Variants in MIGA2 observed in about 807,000 individuals in gnomAD.
MIGA2 encodes mitoguardin 2, also known as family with sequence similarity 73, member B.
In MIGA2, 36 loss-of-function variants were observed where a neutral mutation model predicts 69.9. The ratio of observed to expected loss-of-function variants is 0.52; its 90% CI spans 0.39 to 0.68. The LOEUF is 0.68. MIGA2 is among the 30% of genes least tolerant of loss of function. The pLI is 0.00. For missense variants in MIGA2, 660 were observed against 787.7 expected (o/e 0.84, Z 1.94); for synonymous variants, 333 against 349.2 (o/e 0.95, Z 0.52).
chr9:129,063,304 G>T lies in MIGA2; in HGVS notation c.1071G>T (p.Arg357=). Residue 357 remains arginine, a synonymous_variant, in exon 10 of 16, where the codon CGG becomes CGT. Transcript: ENST00000684074. ...QDFLAKLHCV[R]QAFEGLLEDK... ...TTCTGGCCAAGCTGCACTGTGTGCG[G>T]CAGGCCTTCGAGGTGGGTGTGGCCT... is the stretch of plus-strand genomic sequence containing the variant. The T allele has an allele frequency of 1.2e-6, 2 of 1,614,056 alleles. No homozygotes were observed. Among genetic ancestry groups the T allele is most frequent in the Non-Finnish European group, 1.7e-6 (2 of 1,180,008 alleles).
Position 129,070,883 on chromosome 9 carries a change from T to C in MIGA2, c.*430T>C. 5.9e-6 allele frequency: 1 copy of C among 168,908 alleles called. No homozygotes were observed. The highest frequency in any genetic ancestry group is 6.0e-5 in the Admixed American group (1 of 16,748). 10.5% of individuals were successfully genotyped at this position (168,908 alleles called of 1,614,324 possible). On this transcript the variant is annotated 3_prime_UTR_variant, in exon 16 of 16. Coordinates refer to ENST00000684074, the MANE Select transcript of MIGA2 (RefSeq NM_001329990.2). ...ATATGGTCTCAGCATCCAGCTGGCC[T>C]GTCCTGATGCCCTCCCCACCTCAAC...
chr9:129,051,669 T>G (rs1327158813), intron 6 of MIGA2, among the ~76,000 whole-genome samples: 2 of 151,748 alleles, frequency 1.3e-5, no homozygotes, highest in African/African-American at 4.8e-5. Context: ...TGATCTCGGC[T>G]CACTGCAAGC....
chr9:129,042,283 A>AG, intron 2 of MIGA2, 21 bp from the exon 3 acceptor site: 1 of 1,609,100 alleles, frequency 6.2e-7, no homozygotes, highest in Non-Finnish European at 8.5e-7. Flanking sequence ...TGTAACCGGC[A>AG]GCGTCTCCTC....
In MIGA2 at chr9:129,069,180, T is replaced by TGGTGGGGAGCGGAGCGGGTGCAG; in HGVS notation, c.1458+57_1458+79dup. On this transcript the variant is annotated intron_variant, in intron 14 of 15. Coordinates refer to ENST00000684074, the MANE Select transcript of MIGA2 (RefSeq NM_001329990.2). This position sits in a 1 kb window ranked among gnomAD's most constrained non-coding sequence, Gnocchi z 4.9. ...GCACGAGCTGGGCTCTGAGGCAGCGTGGTGGGGAGCGGAGCGGGTGCAGGG... is the reference window on the plus strand; with the variant it reads ...GCACGAGCTGGGCTCTGAGGCAGCGTGGTGGGGAGCGGAGCGGGTGCAGGGTGGGGAGCGGAGCGGGTGCAGGG... 1.9e-6 allele frequency: 3 copies of TGGTGGGGAGCGGAGCGGGTGCAG among 1,611,124 alleles called. No homozygotes were observed. The highest frequency in any genetic ancestry group is 2.2e-5 in the East Asian group (1 of 44,870).
rs372703145 is a variant in MIGA2 at position 129,068,380 on chromosome 9, G to A, written c.1404+48G>A. 6.3e-5 allele frequency: 100 copies of A among 1,595,910 alleles called. No homozygotes were observed. Among genetic ancestry groups the A allele is most frequent in the East Asian group, 2.5e-4 (11 of 44,794 alleles). On this transcript the variant is annotated intron_variant, in intron 13 of 15. Coordinates refer to ENST00000684074, the MANE Select transcript of MIGA2 (RefSeq NM_001329990.2). This position sits in a 1 kb window ranked among gnomAD's most constrained non-coding sequence, Gnocchi z 4.1. ...GACCCACACTTGCTCACATCAGCCC[G>A]TGTGGTTGCCTGGCTCCGTCCCCTC... is the stretch of plus-strand genomic sequence containing the variant.
intron 3 of MIGA2, among the ~76,000 whole-genome samples, chr9:129,044,486 C>T (rs1395648259): frequency 6.6e-6 from 1 of 152,108 alleles, no homozygotes; most frequent in Middle Eastern, 3.2e-3. Context: ...TCTTGTAATA[C>T]AGACCCGGTG....
intron 11 of MIGA2, 22 bp downstream of exon 11, chr9:129,063,653 G>T: frequency 1.5e-6 from 2 of 1,376,976 alleles, no homozygotes; most frequent in South Asian, 1.2e-5. Flanking sequence ...TGGGGTGGGG[G>T]GGCAAATTAT....
rs745352542 is a variant in MIGA2, at chr9:129,061,366, G to A, written c.1010+20G>A. Reference sequence around the variant, plus strand: ...CCTCAGGTGAGCAGGTGTGGAGGGAGGGAGGGAGGGAGCAGGAGGCGATGG... The same window carrying A: ...CCTCAGGTGAGCAGGTGTGGAGGGAAGGAGGGAGGGAGCAGGAGGCGATGG... On this transcript the variant is annotated intron_variant, in intron 9 of 15. Transcript: ENST00000684074. This position sits in a 1 kb window ranked among gnomAD's most constrained non-coding sequence, Gnocchi z 5.0. The A allele has an allele frequency of 8.4e-6, 13 of 1,538,978 alleles. No individual in the cohort carries two copies. Among genetic ancestry groups the A allele is most frequent in the Non-Finnish European group, 1.2e-5 (13 of 1,120,236 alleles).
At chr9:129,058,906 A>G (rs926584526) in intron 6 of MIGA2, among the ~76,000 whole-genome samples, 1 of 152,204 alleles carries the variant, frequency 6.6e-6, no homozygotes, top group Non-Finnish European at 1.5e-5. Flanking sequence ...GAGACAGTCT[A>G]TGCTTTTTGG....
chr9:129,048,670 G>A (rs888355001), intron 4 of MIGA2, 131 bp downstream of exon 4: 11 of 690,912 alleles, frequency 1.6e-5, no homozygotes, highest in Admixed American at 9.8e-5. Context: ...CCACCCACGC[G>A]GGCTTTCAGG....
intron 11 of MIGA2, among the ~76,000 whole-genome samples, chr9:129,066,470 C>T (rs767317555): frequency 4.0e-5 from 6 of 151,744 alleles, no homozygotes; most frequent in Non-Finnish European, 8.8e-5. Flanking sequence ...GTCAGGAGAT[C>T]AAGACCATCC....
chr9:129,065,415 G>A (rs561743224), intron 11 of MIGA2, among the ~76,000 whole-genome samples: 48 of 151,442 alleles, frequency 3.2e-4, no homozygotes, highest in African/African-American at 1.1e-3. Flanking sequence ...GTGCGATCTC[G>A]ACCCACTGCA....
At position 129,070,280 on chromosome 9, in the gene MIGA2, G is replaced by GT; in HGVS notation, c.1609_1610insT (p.Asp537ValfsTer80). ...TGTGCAGTACCTGAGGGACATGTTC[G>GT]ACCTGGACAATGTGCGCTACACGTC... On this transcript the variant is annotated frameshift_variant, in exon 16 of 16. Coordinates refer to ENST00000684074, the MANE Select transcript of MIGA2 (RefSeq NM_001329990.2). LOFTEE classifies it high-confidence loss of function. 6.2e-7 allele frequency: 1 copy of GT among 1,613,102 alleles called. No homozygotes were observed. The highest frequency in any genetic ancestry group is 8.5e-7 in the Non-Finnish European group (1 of 1,180,002).
rs147360024 is a variant in MIGA2 at position 129,067,757 on chromosome 9, G to T, written c.1171-16G>T. The stretch of plus-strand genomic sequence containing the variant: ...TCTTGTCCAGTGACCAGGATGGGCC[G>T]TGCTTCTCTCCACAGAGCCCCAAAG... On this transcript the variant is annotated splice_polypyrimidine_tract_variant and intron_variant, in intron 11 of 15. Transcript: ENST00000684074. 1.2e-4 allele frequency: 194 copies of T among 1,602,024 alleles called. 1 individual carries two copies. The East Asian group carries it at 2.7e-3, about 22-fold the overall frequency.
intron 9 of MIGA2, 91 bp from the exon 10 acceptor site, chr9:129,063,153 C>A: frequency 1.5e-6 from 2 of 1,337,594 alleles, no homozygotes; most frequent in Non-Finnish European, 2.1e-6. Flanking sequence ...GGAGCCAGAG[C>A]CTCCCCCCTC....
chr9:129,071,956 TC>T lies in MIGA2; in HGVS notation c.*1504del, dbSNP rs1478979288. 3.3e-5 allele frequency: 5 copies of T among 152,724 alleles called. No homozygotes were observed. The highest frequency in any genetic ancestry group is 3.3e-4 in the Admixed American group (5 of 15,292). 9.5% of individuals were successfully genotyped at this position (152,724 alleles called of 1,614,324 possible). A position where few individuals can be genotyped will look rare whatever the true frequency, so the allele number is the denominator to read the frequency against. On this transcript the variant is annotated 3_prime_UTR_variant, in exon 16 of 16. Coordinates refer to ENST00000684074, the MANE Select transcript of MIGA2 (RefSeq NM_001329990.2). ...GCCCCGCCCACTCTGATTTGCATTTTCATTTGTGTTTGTTTACACATCCATG... is the reference window on the plus strand; with the variant it reads ...GCCCCGCCCACTCTGATTTGCATTTTATTTGTGTTTGTTTACACATCCATG...
chr9:129,045,381 G>A (rs992181034), intron 3 of MIGA2, among the ~76,000 whole-genome samples: 5 of 144,786 alleles, frequency 3.5e-5, no homozygotes, highest in Non-Finnish European at 7.4e-5. Context: ...GGCAGAGGTT[G>A]CAGTGAGCCG....
chr9:129,060,321 C>T lies in MIGA2; in HGVS notation c.794-229C>T, dbSNP rs1396492577. Among the ~76,000 whole-genome samples the T allele has an allele frequency of 2.0e-5, 3 of 152,194 alleles. No individual in the cohort carries two copies. Among genetic ancestry groups the T allele is most frequent in the African/African-American group, 7.2e-5 (3 of 41,458 alleles). On this transcript the variant is annotated intron_variant, in intron 7 of 15. Transcript: ENST00000684074. The surrounding 1 kb of genome is among the most constrained non-coding windows in gnomAD (Gnocchi z 4.8). ...GCCGAGGGCTCACACCTGAGGCTGA[C>T]GACCTCCGAGGATGTCGTGGGTGTT...
At chr9:129,064,746 A>T (rs1442801312) in intron 11 of MIGA2, among the ~76,000 whole-genome samples, 1 of 149,216 alleles carries the variant, frequency 6.7e-6, no homozygotes, top group Non-Finnish European at 1.5e-5. Context: ...GGCTTTACAT[A>T]TGCTGGTCTC....
Sources: gnomAD v4.1 joint callset for allele counts (sites outside exome capture counted in the v4.1 genomes callset) on GRCh38, gnomAD v4.1.1 for gene constraint, Gnocchi (gnomAD v3.1) non-coding constraint, MANE v1.5 for transcripts, NCBI Gene and HGNC (gene_info 2026-07-23, HGNC 2026-07-21) for gene names.